Variants in LONRF2 observed in about 807,000 individuals in gnomAD.
The protein encoded by LONRF2 is LON peptidase N-terminal domain and RING finger protein 2.
In LONRF2, 35 loss-of-function variants were observed where a neutral mutation model predicts 66.6. The ratio of observed to expected loss-of-function variants is 0.53; its 90% CI spans 0.40 to 0.70. LONRF2 has a LOEUF of 0.70. Ranked by LOEUF, LONRF2 falls within the 30% of genes least tolerant of loss-of-function variation. LONRF2 has a pLI of 0.00. For missense variants in LONRF2, 902 were observed against 1,002.1 expected, an observed-to-expected ratio of 0.90 and a Z score of 1.35; for synonymous variants, 417 against 418.1, an observed-to-expected ratio of 1.00 and a Z score of 0.03.
At chr2:100,314,627 C>A (rs1459097214) in intron 1 of LONRF2, among the ~76,000 whole-genome samples, 1 of 152,106 alleles carries the variant, frequency 6.6e-6, no homozygotes, top group South Asian at 2.1e-4. Flanking sequence ...ATTTAAGAAA[C>A]AACTGCCTAC....
At chr2:100,287,155 G>A in intron 10 of LONRF2, 92 bp from the exon 11 acceptor site, 1 of 1,191,720 alleles carries the variant, frequency 8.4e-7, no homozygotes, top group Non-Finnish European at 1.1e-6. Context: ...AAGTGGATTT[G>A]TGGCAGTTAG....
chr2:100,284,325 C>A lies in LONRF2; in HGVS notation c.2238G>T (p.Leu746=), dbSNP rs1674799662. 6.4e-7 allele frequency: 1 copy of A among 1,567,056 alleles called. No homozygotes were observed. Among genetic ancestry groups the A allele is most frequent in the Non-Finnish European group, 8.7e-7 (1 of 1,153,484 alleles). The stretch of plus-strand genomic sequence containing the variant: ...AATTATTTCTCTCCCTGGCATTAGC[C>A]AGCTCTTGCCGACTATTCATCTTAC... ...ITRKMNSRQE[L]ANARERNN is the part of the protein sequence containing the mutation. Residue 746 remains leucine (L), a synonymous_variant, in exon 12 of 12, where the codon CTG becomes CTT. Transcript: ENST00000393437.
chr2:100,289,051 G>A (rs10174820), intron 10 of LONRF2, among the ~76,000 whole-genome samples: 33,406 of 152,132 alleles, frequency 0.22, 4,146 homozygotes, highest in East Asian at 0.41. Flanking sequence ...ATAAATTCAA[G>A]TCTTTTATAT....
At chr2:100,319,511 C>T (rs1305442147) in intron 1 of LONRF2, among the ~76,000 whole-genome samples, 1 of 152,164 alleles carries the variant, frequency 6.6e-6, no homozygotes, top group Non-Finnish European at 1.5e-5. Flanking sequence ...TCACTATTCC[C>T]TTTTCATCCC....
At position 100,295,518 on chromosome 2, in the gene LONRF2, C is replaced by T. The variant is rs116227203; in HGVS notation, c.1512G>A (p.Leu504=). 2.5e-3 allele frequency: 3,980 copies of T among 1,613,462 alleles called. 92 individuals carry two copies. In the African/African-American group the frequency reaches 0.047, roughly 19 times the overall value. ...AATATCGAAATATTAATTCTTCGGC[C>T]AGAACAGTTATGTTAAAGTTTCTGC... is the stretch of plus-strand genomic sequence containing the variant. The part of the protein sequence containing the change: ...LASRNFNITV[L]AEELIFRYLP... Residue 504 remains leucine (L), a synonymous_variant, in exon 8 of 12, where the codon CTG becomes CTA. Coordinates refer to ENST00000393437, the MANE Select transcript of LONRF2 (RefSeq NM_198461.4).
chr2:100,299,454 C>A, intron 5 of LONRF2, 135 bp from the exon 6 acceptor site: 1 of 606,522 alleles, frequency 1.6e-6, no homozygotes, highest in South Asian at 2.7e-5. Context: ...ATAGTTCCTG[C>A]CCAGTTAACA....
chr2:100,302,464 TA>T (rs1559179411), intron 3 of LONRF2, among the ~76,000 whole-genome samples: 1 of 152,224 alleles, frequency 6.6e-6, no homozygotes, highest in African/African-American at 2.4e-5. Context: ...AACTATTGTA[TA>T]AGCTTTTTAA....
In LONRF2 at chr2:100,281,724, A is replaced by G. The variant is rs1302050068; in HGVS notation, c.*2574T>C. 1 of 152,182 alleles carries G rather than the reference A, an allele frequency of 6.6e-6. No individual in the cohort carries two copies. The highest frequency in any genetic ancestry group is 1.5e-5 in the Non-Finnish European group (1 of 68,036). 9.4% of individuals were successfully genotyped at this position (152,182 alleles called of 1,614,324 possible). A position where few individuals can be genotyped will look rare whatever the true frequency, so the allele number is the denominator to read the frequency against. Reference sequence around the variant, plus strand: ...ATGCCTATTGGAGCACTTTCAGTACAATTAAGCTGGAATGTCCTGACATTG... The same window carrying G: ...ATGCCTATTGGAGCACTTTCAGTACGATTAAGCTGGAATGTCCTGACATTG... On this transcript the variant is annotated 3_prime_UTR_variant, in exon 12 of 12. Transcript: ENST00000393437.
intron 5 of LONRF2, among the ~76,000 whole-genome samples, 164 bp from the exon 6 acceptor site, chr2:100,299,483 T>A (rs544269641): frequency 1.3e-5 from 2 of 152,340 alleles, no homozygotes; most frequent in East Asian, 3.9e-4. Flanking sequence ...CAATAATTTA[T>A]CTGGATGGTA....
intron 11 of LONRF2, among the ~76,000 whole-genome samples, chr2:100,285,204 G>A (rs557698607): frequency 6.6e-6 from 1 of 152,108 alleles, no homozygotes; most frequent in Non-Finnish European, 1.5e-5. Flanking sequence ...ATGCCGATAA[G>A]AGCTGGGAGG....
At chr2:100,299,023 G>T in intron 6 of LONRF2, 73 bp from the exon 7 acceptor site, 1 of 1,174,544 alleles carries the variant, frequency 8.5e-7, no homozygotes, top group Non-Finnish European at 1.3e-6. Context: ...GTTTTTGAAG[G>T]ATTCCTTATG....
At chr2:100,298,342 G>A (rs958628945) in intron 7 of LONRF2, among the ~76,000 whole-genome samples, 2 of 152,006 alleles carry the variant, frequency 1.3e-5, no homozygotes, top group African/African-American at 2.4e-5. Flanking sequence ...TTTATATTGG[G>A]GCTAAATATC....
rs746801961 is a variant in LONRF2, at chr2:100,294,307, C to T, written c.1679G>A (p.Arg560His). Residue 560 changes from arginine (R) to histidine (H), a missense_variant, in exon 9 of 12, where the codon CGC becomes CAC. Arg to His is a conservative substitution (Grantham distance 29). Coordinates refer to ENST00000393437, the MANE Select transcript of LONRF2 (RefSeq NM_198461.4). ...GCATCTTCTTATCATAAGCCGATAG[C>T]GGGGCTCAAAAACGTGGAGTGGACA... The part of the protein sequence containing the change: ...VPCPLHVFEP[R>H]YRLMIRRCME... 7 of 1,608,606 alleles carry T rather than the reference C, an allele frequency of 4.4e-6. No individual in the cohort carries two copies. The highest frequency in any genetic ancestry group is 1.1e-5 in the South Asian group (1 of 90,052).
chr2:100,294,467 A>C, intron 8 of LONRF2, 80 bp from the exon 9 acceptor site: 3 of 1,359,950 alleles, frequency 2.2e-6, no homozygotes, highest in Non-Finnish European at 2.9e-6. Flanking sequence ...AAACAGCAAA[A>C]GCCAGCCAAC....
At position 100,286,725 on chromosome 2, in the gene LONRF2, T is replaced by G. The variant is rs983399484; in HGVS notation, c.2070+189A>C. ...AAATTATGTTCTGTTAGAGAGCCTT[T>G]GTTGTTTTGCTTCACAAGTCATGTG... On this transcript the variant is annotated intron_variant, in intron 11 of 11. Transcript: ENST00000393437. Among the ~76,000 whole-genome samples, 9 of 152,234 alleles carry G rather than the reference T, an allele frequency of 5.9e-5. No individual in the cohort carries two copies. The East Asian group carries it at 1.7e-3, about 29-fold the overall frequency.
chr2:100,293,625 C>G (rs935357446), intron 9 of LONRF2, among the ~76,000 whole-genome samples: 6 of 152,190 alleles, frequency 3.9e-5, no homozygotes, highest in African/African-American at 1.4e-4. Context: ...AACACCCTCT[C>G]TGGACAAAGA....
At chr2:100,321,107 C>T (rs929940080) in intron 1 of LONRF2, among the ~76,000 whole-genome samples, 10 of 152,202 alleles carry the variant, frequency 6.6e-5, no homozygotes, top group Admixed American at 2.0e-4. Flanking sequence ...CGTCATCCTC[C>T]CCGCTCCTCA....
rs17023907 is a variant in LONRF2, at chr2:100,291,458, A to G, written c.1758-1038T>C. On this transcript the variant is annotated intron_variant, in intron 9 of 11. Transcript: ENST00000393437. Reference sequence around the variant, plus strand: ...CCTTCGCCCACAAGGTCTTCACCTCATTCCAATTCTGCCAGCTCTGCCCTC... The same window carrying G: ...CCTTCGCCCACAAGGTCTTCACCTCGTTCCAATTCTGCCAGCTCTGCCCTC... Among the ~76,000 whole-genome samples the G allele has an allele frequency of 6.0e-3, 905 of 151,938 alleles. 11 individuals carry two copies. The highest frequency in any genetic ancestry group is 0.021 in the African/African-American group (871 of 41,436).
In LONRF2 at chr2:100,295,520, G is replaced by T; in HGVS notation, c.1510C>A (p.Leu504Met). 4 of 1,613,390 alleles carry T rather than the reference G, an allele frequency of 2.5e-6. No homozygotes were observed. The highest frequency in any genetic ancestry group is 3.4e-6 in the Non-Finnish European group (4 of 1,179,720). ...LASRNFNITV[L>M]AEELIFRYLP... Reference sequence around the variant, plus strand: ...TATCGAAATATTAATTCTTCGGCCAGAACAGTTATGTTAAAGTTTCTGCTT... The same window carrying T: ...TATCGAAATATTAATTCTTCGGCCATAACAGTTATGTTAAAGTTTCTGCTT... Residue 504 changes from leucine to methionine, a missense_variant, in exon 8 of 12, where the codon CTG becomes ATG. Leu to Met is a conservative substitution (Grantham distance 15, BLOSUM62 2). Transcript: ENST00000393437.
Sources: gnomAD v4.1 joint callset for allele counts (sites outside exome capture counted in the v4.1 genomes callset) on GRCh38, gnomAD v4.1.1 for gene constraint, MANE v1.5 for transcripts, NCBI Gene and HGNC (gene_info 2026-07-23, HGNC 2026-07-21) for gene names.